Variants in HLCS observed in about 807,000 individuals in gnomAD.
HLCS encodes holocarboxylase synthetase.
HLCS carries 53 observed loss-of-function variants against 75.0 expected under a neutral mutation model. The ratio of observed to expected loss-of-function variants is 0.71; its 90% CI spans 0.57 to 0.89. HLCS has a LOEUF of 0.89. Among genes scored for constraint, HLCS ranks in the 40% least tolerant of loss-of-function variants. HLCS has a pLI of 0.00. For synonymous variants in HLCS, 431 were observed against 428.6 expected, an observed-to-expected ratio of 1.01 and a Z score of -0.07; for missense variants, 966 against 1,074.0, an observed-to-expected ratio of 0.90 and a Z score of 1.41.
At position 36,752,203 on chromosome 21, in the gene HLCS, G is replaced by GA; in HGVS notation, c.*2042dup. On this transcript the variant is annotated 3_prime_UTR_variant, in exon 11 of 11. Transcript: ENST00000674895. ...GGACAACTGAGTCTCCTGCGTGAGGGAGGAGCGCCTGCTGGAAAGCACAGA... is the reference window on the plus strand; with the variant it reads ...GGACAACTGAGTCTCCTGCGTGAGGGAAGGAGCGCCTGCTGGAAAGCACAGA... 6.5e-6 allele frequency: 1 copy of GA among 152,796 alleles called. No homozygotes were observed. Among genetic ancestry groups the GA allele is most frequent in the South Asian group, 2.1e-4 (1 of 4,828 alleles). 9.5% of individuals were successfully genotyped at this position (152,796 alleles called of 1,614,324 possible). A position where few individuals can be genotyped will look rare whatever the true frequency, so the allele number is the denominator to read the frequency against.
intron 6 of HLCS, among the ~76,000 whole-genome samples, chr21:36,818,807 G>GGGCTGAGCATTTATACAGGC (rs2061739414): frequency 6.6e-6 from 1 of 152,102 alleles, no homozygotes; most frequent in Non-Finnish European, 1.5e-5. Flanking sequence ...GATGGAGTCG[G>GGGCTGAGCATTTATACAGGC]GGCTGAGCAT....
At chr21:36,836,349 A>G (rs2062410603) in intron 6 of HLCS, among the ~76,000 whole-genome samples, 1 of 152,092 alleles carries the variant, frequency 6.6e-6, no homozygotes, top group East Asian at 1.9e-4. Context: ...TTTAGGGTAC[A>G]TGTGCACAAT....
rs1259896373 is a variant in HLCS at position 36,789,147 on chromosome 21, C to T, written c.1893-21862G>A. Among the ~76,000 whole-genome samples the T allele has an allele frequency of 3.9e-5, 6 of 152,258 alleles. No homozygotes were observed. In the South Asian group the frequency reaches 6.2e-4, roughly 16 times the overall value. ...ATAGCTCACTGCAGGCTTGACCTCC[C>T]GGGCTCAAGCCATCCTCCCACCTCA... On this transcript the variant is annotated intron_variant, in intron 6 of 10. Coordinates refer to ENST00000674895, the MANE Select transcript of HLCS (RefSeq NM_001352514.2).
chr21:36,759,280 C>G, intron 9 of HLCS: 1 of 456,542 alleles, frequency 2.2e-6, no homozygotes. Flanking sequence ...GATTCTTTAC[C>G]CCGCCTTGAC....
At chr21:36,959,575 G>A (rs1055106707) in intron 2 of HLCS, among the ~76,000 whole-genome samples, 11 of 152,198 alleles carry the variant, frequency 7.2e-5, no homozygotes, top group African/African-American at 2.7e-4. Context: ...TGAAGCCTGT[G>A]GCCCAGAGTG....
At chr21:36,955,744 C>T (rs1003631158) in intron 2 of HLCS, among the ~76,000 whole-genome samples, 2 of 152,208 alleles carry the variant, frequency 1.3e-5, no homozygotes, top group African/African-American at 4.8e-5. Context: ...GTGTCCTAGG[C>T]TTTCACATTC....
chr21:36,879,135 G>T (rs55992423), intron 6 of HLCS, among the ~76,000 whole-genome samples: 152,293 of 152,294 alleles, frequency 1, 76,146 homozygotes, highest in Middle Eastern at 1. Flanking sequence ...AAAAATAATT[G>T]GAATATAACA....
At chr21:36,826,263 G>A (rs1024176769) in intron 6 of HLCS, among the ~76,000 whole-genome samples, 3 of 152,070 alleles carry the variant, frequency 2.0e-5, no homozygotes, top group African/African-American at 4.8e-5. Context: ...GGCCCACTTC[G>A]GTGGCTGTTT....
intron 1 of HLCS, among the ~76,000 whole-genome samples, chr21:36,985,487 G>A (rs1025497143): frequency 1.3e-5 from 2 of 151,994 alleles, no homozygotes; most frequent in African/African-American, 2.4e-5. Context: ...ACAAAAATTC[G>A]CTGGGCACGG....
chr21:36,983,045 A>G (rs769553561), intron 1 of HLCS, among the ~76,000 whole-genome samples: 9 of 152,066 alleles, frequency 5.9e-5, no homozygotes, highest in Admixed American at 1.3e-4. Context: ...AAAAAAAAAC[A>G]AAAACAAAAA....
chr21:36,863,671 T>C (rs778742229), intron 6 of HLCS, among the ~76,000 whole-genome samples: 7 of 152,364 alleles, frequency 4.6e-5, no homozygotes, highest in East Asian at 1.9e-4. Context: ...ATCATACAGA[T>C]AGATCTTTTC....
chr21:36,949,742 T>C (rs1487659920), intron 2 of HLCS, among the ~76,000 whole-genome samples: 1 of 152,178 alleles, frequency 6.6e-6, no homozygotes, highest in East Asian at 1.9e-4. Context: ...CCCAGGACCC[T>C]GCACAAGAGA....
At chr21:36,802,611 GGCACAGCCA>G (rs1299794985) in intron 6 of HLCS, among the ~76,000 whole-genome samples, 4 of 152,190 alleles carry the variant, frequency 2.6e-5, no homozygotes, top group Non-Finnish European at 4.4e-5. Context: ...GCAGATGAGT[GGCACAGCCA>G]AGGCTTCATT....
intron 6 of HLCS, among the ~76,000 whole-genome samples, chr21:36,796,637 A>C (rs1467578380): frequency 1.3e-5 from 2 of 152,174 alleles, no homozygotes; most frequent in Admixed American, 1.3e-4. Context: ...CAGTCTTCCC[A>C]CAGACTCTAC....
rs894493326 is a variant in HLCS at position 36,877,883 on chromosome 21, C to A, written c.1892+18977G>T. Among the ~76,000 whole-genome samples the A allele has an allele frequency of 2.0e-5, 3 of 152,032 alleles. 1 individual carries two copies. In the South Asian group the frequency reaches 6.2e-4, roughly 32 times the overall value. ...GTTGACAAGTTTATCTTCCTTGAGC[C>A]CTCTAAAAATATTGTTCCACTCTCT... On this transcript the variant is annotated intron_variant, in intron 6 of 10. Transcript: ENST00000674895.
intron 6 of HLCS, among the ~76,000 whole-genome samples, chr21:36,831,958 G>A (rs1312826403): frequency 6.6e-6 from 1 of 152,020 alleles, no homozygotes; most frequent in Non-Finnish European, 1.5e-5. Context: ...ACAAGACAAG[G>A]AGCCCAGGAC....
At chr21:36,841,516 A>T (rs994292319) in intron 6 of HLCS, among the ~76,000 whole-genome samples, 2 of 152,250 alleles carry the variant, frequency 1.3e-5, no homozygotes, top group African/African-American at 4.8e-5. Context: ...TGTGGAAAGC[A>T]AGAGGATTCA....
In HLCS at chr21:36,937,285, C is replaced by G. The variant is rs373822815; in HGVS notation, c.601G>C (p.Glu201Gln). 6.9e-5 allele frequency: 112 copies of G among 1,613,998 alleles called. No homozygotes were observed. The highest frequency in any genetic ancestry group is 9.3e-5 in the Non-Finnish European group (110 of 1,180,012). Reference sequence around the variant, plus strand: ...CCAACATGCTCCATACCGTCCTGCTCAGGCTTAATCTCAAGAGAAGGTTCA... The same window carrying G: ...CCAACATGCTCCATACCGTCCTGCTGAGGCTTAATCTCAAGAGAAGGTTCA... The part of the protein sequence containing the change: ...KPEPSLEIKP[E>Q]QDGMEHVGRD... The change falls in exon 4 of 11, where the codon GAG becomes CAG. Residue 201 changes from glutamate to glutamine, a missense_variant. By Grantham distance (29) the Glu-to-Gln change is conservative (BLOSUM62 2). Coordinates refer to ENST00000674895, the MANE Select transcript of HLCS (RefSeq NM_001352514.2).
chr21:36,936,469 C>G lies in HLCS; in HGVS notation c.1417G>C (p.Gly473Arg), dbSNP rs769008944. ...AGTACCTGGCAAAGAACAGCTTCTC[C>G]CCCGCGAGTTCCAAAAGGCACATGC... is the stretch of plus-strand genomic sequence containing the variant. ...IVHVPFGTRG[G>R]EAVLCQVHLE... Residue 473 changes from glycine to arginine, a missense_variant, in exon 4 of 11, where the codon GGA becomes CGA. Coordinates refer to ENST00000674895, the MANE Select transcript of HLCS (RefSeq NM_001352514.2). 6.2e-7 allele frequency: 1 copy of G among 1,614,070 alleles called. No individual in the cohort carries two copies. Among genetic ancestry groups the G allele is most frequent in the Non-Finnish European group, 8.5e-7 (1 of 1,179,902 alleles).
Sources: gnomAD v4.1 joint callset for allele counts (sites outside exome capture counted in the v4.1 genomes callset) on GRCh38, gnomAD v4.1.1 for gene constraint, MANE v1.5 for transcripts, NCBI Gene and HGNC (gene_info 2026-07-23, HGNC 2026-07-21) for gene names.